Variants in DNAH17 observed in about 807,000 individuals in gnomAD.
DNAH17 encodes the protein axonemal beta dynein heavy chain 17.
In DNAH17, 376 loss-of-function variants were observed where a neutral mutation model predicts 485.6. That is an observed-to-expected ratio of 0.77 (90% CI 0.71 to 0.84). The LOEUF is 0.84. Among genes scored for constraint, DNAH17 ranks in the 40% least tolerant of loss-of-function variants. DNAH17 has a pLI of 0.00. For missense variants in DNAH17, 6,370 were observed against 5,839.3 expected (o/e 1.09, Z -2.96); for synonymous variants, 3,031 against 2,405.9 (o/e 1.26, Z -7.60).
In DNAH17 at chr17:78,539,714, ATTACC is replaced by A; in HGVS notation, c.2676+18_2676+22del. ...GATAAGAATACATATACATAAATAT[ATTACC>A]TTATGTTGATAACTTACATCTATAA... On this transcript the variant is annotated intron_variant, in intron 18 of 80. Transcript: ENST00000389840. The A allele has an allele frequency of 6.4e-7, 1 of 1,570,068 alleles. No individual in the cohort carries two copies. Among genetic ancestry groups the A allele is most frequent in the Non-Finnish European group, 8.6e-7 (1 of 1,158,630 alleles).
intron 17 of DNAH17, among the ~76,000 whole-genome samples, chr17:78,540,575 G>A (rs1011601630): frequency 5.6e-5 from 7 of 124,362 alleles, no homozygotes; most frequent in Non-Finnish European, 1.0e-4. Context: ...GGATGGGTAC[G>A]TGGCTGGATA....
rs34438166 is a variant in DNAH17 at position 78,459,935 on chromosome 17, C to T, written c.9502G>A (p.Val3168Ile). The change falls in exon 60 of 81, where the codon GTC becomes ATC. Residue 3168 changes from valine to isoleucine, a missense_variant. Val to Ile is a conservative substitution (Grantham distance 29, BLOSUM62 3). Transcript: ENST00000389840. The stretch of plus-strand genomic sequence containing the variant: ...CCCCCAGGTGCGGTCAGAATCATGA[C>T]GGCGGCGGTGACGTTGACCACAGCA... ...PDAVVNVTAA[V>I]MILTAPGGKI... The T allele has an allele frequency of 2.7e-5, 43 of 1,613,706 alleles. No individual in the cohort carries two copies. Among genetic ancestry groups the T allele is most frequent in the South Asian group, 1.2e-4 (11 of 91,080 alleles).
At chr17:78,573,748 G>A (rs2092394035) in intron 2 of DNAH17, among the ~76,000 whole-genome samples, 1 of 152,146 alleles carries the variant, frequency 6.6e-6, no homozygotes, top group Admixed American at 6.5e-5. Flanking sequence ...TGCAAGTCAA[G>A]GAGAGAGGCC....
At position 78,485,211 on chromosome 17, in the gene DNAH17, G is replaced by A. The variant is rs541320143; in HGVS notation, c.7484-178C>T. On this transcript the variant is annotated intron_variant, in intron 47 of 80. Transcript: ENST00000389840. ...TGAGGGGGCACCGGGTACAGCCCCA[G>A]GAATAAACAGAGCGATCAGAGGCGA... The A allele has an allele frequency of 9.5e-4, 728 of 767,328 alleles. 1 individual carries two copies. Among genetic ancestry groups the A allele is most frequent in the Admixed American group, 1.3e-3 (44 of 33,256 alleles). The allele number at this position is 767,328 out of a possible 1,614,324, so 47.5% of individuals were successfully genotyped here.
intron 50 of DNAH17, 37 bp from the exon 51 acceptor site, chr17:78,479,153 T>C (rs1476852442): frequency 1.3e-6 from 2 of 1,598,444 alleles, no homozygotes; most frequent in African/African-American, 2.7e-5. Flanking sequence ...TCTCATGTAC[T>C]CTTGATGGCC....
chr17:78,534,385 G>A (rs912189627), intron 19 of DNAH17, among the ~76,000 whole-genome samples: 1 of 150,908 alleles, frequency 6.6e-6, no homozygotes, highest in African/African-American at 2.5e-5. Context: ...GTTGGCCCTA[G>A]GGCTGGGCCG....
At chr17:78,524,232 G>A (rs543294310) in intron 25 of DNAH17, among the ~76,000 whole-genome samples, 1 of 152,160 alleles carries the variant, frequency 6.6e-6, no homozygotes, top group Non-Finnish European at 1.5e-5. Context: ...CTGCCTCCCA[G>A]GTTCAAGCAA....
In DNAH17 at chr17:78,451,066, G is replaced by A. The variant is rs8071821; in HGVS notation, c.10735-220C>T. ...GGCTTCCTGTCACGGAGACTGTAGGGGGCAGAACGGGGACAGGCGGGCCTG... is the reference window on the plus strand; with the variant it reads ...GGCTTCCTGTCACGGAGACTGTAGGAGGCAGAACGGGGACAGGCGGGCCTG... On this transcript the variant is annotated intron_variant, in intron 66 of 80. Transcript: ENST00000389840. Among the ~76,000 whole-genome samples the A allele has an allele frequency of 0.12, 17,895 of 152,258 alleles. 1,394 individuals are homozygous for A. Among genetic ancestry groups the A allele is most frequent in the Non-Finnish European group, 0.17 (11,795 of 67,992 alleles).
At chr17:78,478,721 G>A (rs545821568) in intron 51 of DNAH17, among the ~76,000 whole-genome samples, 10 of 131,854 alleles carry the variant, frequency 7.6e-5, no homozygotes, top group Admixed American at 2.9e-4. Flanking sequence ...CACCACTATT[G>A]CCATCATCAC....
At position 78,532,715 on chromosome 17, in the gene DNAH17, CTG is replaced by C. The variant is rs1568209099; in HGVS notation, c.2879_2880del (p.Thr960ArgfsTer28). On this transcript the variant is annotated frameshift_variant, in exon 20 of 81. Coordinates refer to ENST00000389840, the MANE Select transcript of DNAH17 (RefSeq NM_173628.4). LOFTEE classifies it high-confidence loss of function. Reference sequence around the variant, plus strand: ...ACCTCCTCCCTCATCTCTATGAGGTCTGTGTTATCTTCCAGGTCCATCTGAAA... The same window carrying C: ...ACCTCCTCCCTCATCTCTATGAGGTCTGTTATCTTCCAGGTCCATCTGAAA... The part of the protein sequence containing the change: ...MNYKMDLEDN[T>X]DLIEMREEVS... 6.3e-7 allele frequency: 1 copy of C among 1,592,748 alleles called. No individual in the cohort carries two copies.
chr17:78,488,732 G>T (rs2089720468), intron 44 of DNAH17, among the ~76,000 whole-genome samples: 1 of 152,192 alleles, frequency 6.6e-6, no homozygotes, highest in African/African-American at 2.4e-5. Flanking sequence ...CTTGAGACAA[G>T]ATCATCCTGG....
chr17:78,529,419 C>T (rs972184681), intron 22 of DNAH17, 53 bp downstream of exon 22: 15 of 1,583,414 alleles, frequency 9.5e-6, no homozygotes, highest in East Asian at 6.7e-5. Flanking sequence ...TGGTCGCGGC[C>T]GGGATGGCTC....
At chr17:78,539,491 G>A (rs1018632198) in intron 18 of DNAH17, among the ~76,000 whole-genome samples, 2 of 152,148 alleles carry the variant, frequency 1.3e-5, no homozygotes, top group Non-Finnish European at 2.9e-5. Flanking sequence ...GTCTCTTGAG[G>A]TTTTCTGCAG....
intron 71 of DNAH17, among the ~76,000 whole-genome samples, chr17:78,443,929 G>C (rs2087171957): frequency 6.6e-6 from 1 of 152,206 alleles, no homozygotes; most frequent in Non-Finnish European, 1.5e-5. Context: ...GGAGAAGCCA[G>C]ACAGGCCACA....
At chr17:78,533,535 G>A (rs556331755) in intron 19 of DNAH17, among the ~76,000 whole-genome samples, 74 of 152,262 alleles carry the variant, frequency 4.9e-4, no homozygotes, top group African/African-American at 1.6e-3. Context: ...AGTGCTATAC[G>A]GATCTTTTTA....
At chr17:78,472,785 C>CCCA in intron 54 of DNAH17, 1 of 454,074 alleles carries the variant, frequency 2.2e-6, no homozygotes, top group Non-Finnish European at 4.4e-6. Flanking sequence ...GTCGCACCTG[C>CCCA]CCACTTTCAG....
intron 62 of DNAH17, 49 bp downstream of exon 62, chr17:78,458,516 T>A: frequency 6.5e-7 from 1 of 1,528,754 alleles, no homozygotes; most frequent in Non-Finnish European, 9.1e-7. Flanking sequence ...GGCTTGTCCC[T>A]TTCAGGGGGT....
intron 54 of DNAH17, among the ~76,000 whole-genome samples, chr17:78,471,567 G>A (rs111648488): frequency 7.9e-5 from 12 of 151,940 alleles, no homozygotes; most frequent in South Asian, 4.2e-4. Flanking sequence ...TCACTCTGTC[G>A]CCCAGGCTGG....
chr17:78,514,123 G>GC (rs1220866327), intron 26 of DNAH17, among the ~76,000 whole-genome samples: 1 of 152,130 alleles, frequency 6.6e-6, no homozygotes, highest in African/African-American at 2.4e-5. Flanking sequence ...AACTTCCTGA[G>GC]CCTTATGAAC....
Sources: allele counts gnomAD v4.1 joint callset (sites outside exome capture counted in the v4.1 genomes callset), GRCh38; gene constraint gnomAD v4.1.1; transcripts MANE v1.5; gene names NCBI Gene and HGNC (gene_info 2026-07-23, HGNC 2026-07-21).